COL18A1: variants seen among roughly 807,000 people sequenced by gnomAD.
COL18A1 encodes the protein collagen type XVIII alpha 1 chain.
COL18A1 carries 133 observed loss-of-function variants against 168.0 expected under a neutral mutation model. The ratio of observed to expected loss-of-function variants is 0.79; its 90% CI spans 0.69 to 0.91. The LOEUF (loss-of-function observed/expected upper bound fraction) is 0.91. Ranked by LOEUF, COL18A1 falls within the 40% of genes least tolerant of loss-of-function variation. The pLI is 0.00. For synonymous variants in COL18A1, 949 were observed against 809.0 expected (o/e 1.17, Z -2.94); for missense variants, 2,126 against 1,925.4 (o/e 1.10, Z -1.95).
intron 1 of COL18A1, 64 bp downstream of exon 1, chr21:45,405,305 G>T (rs1167086828): frequency 3.3e-6 from 2 of 609,152 alleles, no homozygotes; most frequent in East Asian, 1.1e-4. Flanking sequence ...GGTCGCGGGG[G>T]TCGCGGGGCT....
At position 45,479,939 on chromosome 21, in the gene COL18A1, G is replaced by A; in HGVS notation, c.1286G>A (p.Gly429Glu). 3 of 1,613,844 alleles carry A rather than the reference G, an allele frequency of 1.9e-6. No individual in the cohort carries two copies. Among genetic ancestry groups the A allele is most frequent in the Non-Finnish European group, 2.5e-6 (3 of 1,179,944 alleles). ...TGPQGFPGTP[G>E]DVGPKGDKGD... is the part of the protein sequence containing the mutation. Reference sequence around the variant, plus strand: ...CCACAAGGCTTCCCCGGGACTCCAGGGGACGTAGGTCCCAAGGGCGACAAG... The same window carrying A: ...CCACAAGGCTTCCCCGGGACTCCAGAGGACGTAGGTCCCAAGGGCGACAAG... The change falls in exon 10 of 42, where the codon GGG becomes GAG. Residue 429 changes from glycine (G) to glutamate (E), a missense_variant. Physicochemically the swap from Gly to Glu is moderately conservative, Grantham distance 98 (BLOSUM62 -2). Coordinates refer to ENST00000651438, the MANE Select transcript of COL18A1 (RefSeq NM_001379500.1).
chr21:45,434,953 G>T (rs2034060329), intron 2 of COL18A1, among the ~76,000 whole-genome samples: 1 of 152,134 alleles, frequency 6.6e-6, no homozygotes, highest in Non-Finnish European at 1.5e-5. Context: ...GCCTGGGTCG[G>T]GAAAGCCCAG....
chr21:45,413,320 G>A lies in COL18A1; in HGVS notation c.106+7847G>A, dbSNP rs145001550. 1.9e-3 allele frequency among the ~76,000 whole-genome samples: 295 copies of A among 152,358 alleles called. 1 individual carries two copies. Among genetic ancestry groups the A allele is most frequent in the Non-Finnish European group, 3.4e-3 (231 of 68,030 alleles). ...GCAGCCATTCCCACCTCCTCCAGCC[G>A]CGCTACGTGTCCGCAGGCCAGGGCG... On this transcript the variant is annotated intron_variant, in intron 2 of 41. Transcript: ENST00000651438.
At position 45,511,122 on chromosome 21, in the gene COL18A1, G is replaced by C. The variant is rs746006164; in HGVS notation, c.3705G>C (p.Leu1235=). ...GGTTTCTCTTCCAGGACGAGCTGCT[G>C]TTTCCCAGCTGGGAGGCTCTGTTCT... The part of the protein sequence containing the change: ...VPIVNLKDEL[L]FPSWEALFSG... Residue 1235 remains leucine, a synonymous_variant, in exon 41 of 42, where the codon CTG becomes CTC. Coordinates refer to ENST00000651438, the MANE Select transcript of COL18A1 (RefSeq NM_001379500.1). 3 of 1,575,144 alleles carry C rather than the reference G, an allele frequency of 1.9e-6. No individual in the cohort carries two copies. The highest frequency in any genetic ancestry group is 2.6e-6 in the Non-Finnish European group (3 of 1,160,080).
chr21:45,495,252 C>A, intron 28 of COL18A1, 106 bp from the exon 29 acceptor site: 2 of 914,688 alleles, frequency 2.2e-6, no homozygotes, highest in Non-Finnish European at 3.5e-6. Flanking sequence ...TGAGGCTGAG[C>A]GTGGGCCGGC....
intron 15 of COL18A1, 33 bp from the exon 16 acceptor site, chr21:45,486,828 T>C: frequency 6.5e-7 from 1 of 1,528,264 alleles, no homozygotes; most frequent in African/African-American, 1.4e-5. Flanking sequence ...GGGGCTGGGC[T>C]GGGTCCTGAC....
rs763750162 is a variant in COL18A1, at chr21:45,480,837, C to A, written c.1590C>A (p.Pro530=). Residue 530 remains proline, a synonymous_variant, in exon 13 of 42, where the codon CCC becomes CCA. Coordinates refer to ENST00000651438, the MANE Select transcript of COL18A1 (RefSeq NM_001379500.1). Reference sequence around the variant, plus strand: ...CTGGTGTGCCTGGGCGCGAGGGTCCCCCCGGGTTTCCTGGCCTCCCGGTAA... The same window carrying A: ...CTGGTGTGCCTGGGCGCGAGGGTCCACCCGGGTTTCCTGGCCTCCCGGTAA... ...GLPGVPGREG[P]PGFPGLPGPP... is the part of the protein sequence containing the mutation. The A allele has an allele frequency of 6.2e-7, 1 of 1,611,344 alleles. No individual in the cohort carries two copies. The highest frequency in any genetic ancestry group is 2.2e-5 in the East Asian group (1 of 44,824).
intron 29 of COL18A1, 171 bp downstream of exon 29, chr21:45,495,603 C>CAT: frequency 7.4e-6 from 4 of 542,902 alleles, no homozygotes; most frequent in South Asian, 3.6e-5. Flanking sequence ...TACATGTCCA[C>CAT]ACACGCACAC....
intron 2 of COL18A1, among the ~76,000 whole-genome samples, chr21:45,412,158 G>A (rs909379742): frequency 6.6e-6 from 1 of 151,624 alleles, no homozygotes; most frequent in Non-Finnish European, 1.5e-5. Flanking sequence ...AGCTCTGGAT[G>A]TCCTATTTTG....
chr21:45,438,042 ACT>A (rs1189147003), intron 2 of COL18A1, among the ~76,000 whole-genome samples: 1 of 120,416 alleles, frequency 8.3e-6, no homozygotes, highest in Non-Finnish European at 1.6e-5. Flanking sequence ...ACACACAGGC[ACT>A]CTCCTGCACA....
chr21:45,445,951 C>A (rs186299847), intron 2 of COL18A1, among the ~76,000 whole-genome samples: 2 of 152,148 alleles, frequency 1.3e-5, no homozygotes, highest in Admixed American at 6.5e-5. Flanking sequence ...TAAGTTTTTA[C>A]GAAGTCCAAT....
At chr21:45,429,595 A>T (rs1051029616) in intron 2 of COL18A1, among the ~76,000 whole-genome samples, 1 of 152,032 alleles carries the variant, frequency 6.6e-6, no homozygotes, top group Non-Finnish European at 1.5e-5. Context: ...GGCTGGAGGC[A>T]TCTTCTAGTT....
chr21:45,451,291 T>C (rs1051479268), intron 2 of COL18A1, among the ~76,000 whole-genome samples: 3 of 151,860 alleles, frequency 2.0e-5, no homozygotes, highest in African/African-American at 7.3e-5. Flanking sequence ...GAGCAGGGAG[T>C]CAACCCAAGG....
At chr21:45,433,103 C>T (rs1482918528) in intron 2 of COL18A1, among the ~76,000 whole-genome samples, 4 of 152,214 alleles carry the variant, frequency 2.6e-5, no homozygotes, top group African/African-American at 9.6e-5. Context: ...AAAACAGCAA[C>T]AATGGCTTCA....
At chr21:45,406,915 G>A (rs940416023) in intron 2 of COL18A1, among the ~76,000 whole-genome samples, 1 of 152,258 alleles carries the variant, frequency 6.6e-6, no homozygotes, top group Non-Finnish European at 1.5e-5. Context: ...GGAAAGTTAC[G>A]GTTGGCCAAA....
chr21:45,464,096 G>C (rs1032050384), intron 2 of COL18A1, among the ~76,000 whole-genome samples: 6 of 152,162 alleles, frequency 3.9e-5, no homozygotes, highest in South Asian at 4.1e-4. Context: ...GAAGCCTCTA[G>C]CTCTCAGGAA....
chr21:45,508,043 A>AGGTAGATGGGGAGGTGGATGGATG (rs2037328859), intron 38 of COL18A1, among the ~76,000 whole-genome samples: 2 of 144,168 alleles, frequency 1.4e-5, no homozygotes, highest in African/African-American at 5.1e-5. Context: ...GTGGATACGT[A>AGGTAGATGGGGAGGTGGATGGATG]GGTAGATGGG....
intron 38 of COL18A1, among the ~76,000 whole-genome samples, chr21:45,508,231 G>A (rs1478628120): frequency 6.9e-6 from 1 of 145,192 alleles, no homozygotes; most frequent in Non-Finnish European, 1.5e-5. Flanking sequence ...GGTGGATAGT[G>A]GGTAAGTGGG....
chr21:45,496,614 C>A, intron 30 of COL18A1, 46 bp downstream of exon 30: 1 of 900,808 alleles, frequency 1.1e-6, no homozygotes, highest in Non-Finnish European at 1.9e-6. Flanking sequence ...CCTTGGCTGT[C>A]ACACAGAGCC....
Sources: gnomAD v4.1 joint callset for allele counts (sites outside exome capture counted in the v4.1 genomes callset) on GRCh38, gnomAD v4.1.1 for gene constraint, MANE v1.5 for transcripts, NCBI Gene and HGNC (gene_info 2026-07-23, HGNC 2026-07-21) for gene names.